Variants in PIP5K1C observed in about 807,000 individuals in gnomAD.
PIP5K1C encodes the protein phosphatidylinositol-4-phosphate 5-kinase type 1 gamma.
PIP5K1C carries 45 observed loss-of-function variants against 80.1 expected under a neutral mutation model. That is an observed-to-expected ratio of 0.56 (90% CI 0.44 to 0.72). The LOEUF (loss-of-function observed/expected upper bound fraction) is 0.72. Ranked by LOEUF, PIP5K1C falls within the 30% of genes least tolerant of loss-of-function variation. The pLI is 0.00. For synonymous variants in PIP5K1C, 498 were observed against 420.1 expected, an observed-to-expected ratio of 1.19 and a Z score of -2.27; for missense variants, 753 against 954.6, an observed-to-expected ratio of 0.79 and a Z score of 2.78.
intron 12 of PIP5K1C, 138 bp from the exon 13 acceptor site, chr19:3,643,519 C>A: frequency 1.0e-6 from 1 of 989,798 alleles, no homozygotes; most frequent in East Asian, 2.6e-5. Context: ...CACCTCCCCA[C>A]ACGGCAGGGA....
chr19:3,657,935 A>C (rs1174498764), intron 5 of PIP5K1C, among the ~76,000 whole-genome samples: 1 of 152,148 alleles, frequency 6.6e-6, no homozygotes, highest in African/African-American at 2.4e-5. Context: ...AGTGTTTAAA[A>C]AAACACCCCA....
chr19:3,677,018 C>CT (rs1389599729), intron 1 of PIP5K1C, among the ~76,000 whole-genome samples: 1 of 152,134 alleles, frequency 6.6e-6, no homozygotes, highest in Non-Finnish European at 1.5e-5. Flanking sequence ...GGGAGGATCA[C>CT]TTGAACCCAG....
At chr19:3,644,667 C>T (rs781757980) in intron 11 of PIP5K1C, among the ~76,000 whole-genome samples, 13 of 152,232 alleles carry the variant, frequency 8.5e-5, no homozygotes, top group Non-Finnish European at 1.8e-4. Context: ...GTTAGAGAAG[C>T]CTGTGGCTCA....
intron 5 of PIP5K1C, among the ~76,000 whole-genome samples, chr19:3,659,263 G>C (rs1433243461): frequency 1.3e-5 from 2 of 152,226 alleles, no homozygotes; most frequent in Admixed American, 1.3e-4. Flanking sequence ...AGAGGCTAGG[G>C]GGCTGCCGCC....
In PIP5K1C at chr19:3,632,825, G is replaced by A. The variant is rs571250706; in HGVS notation, c.*342C>T. The A allele has an allele frequency of 8.9e-6, 3 of 337,188 alleles. No homozygotes were observed. Among genetic ancestry groups the A allele is most frequent in the Non-Finnish European group, 1.6e-5 (3 of 185,664 alleles). 20.9% of individuals were successfully genotyped at this position (337,188 alleles called of 1,614,324 possible). ...GAGAACCAAAGAGTGCAGTGGGCAG[G>A]GGCTCTTCTCCCTCTGGTTGGTTTG... On this transcript the variant is annotated 3_prime_UTR_variant, in exon 18 of 18. Transcript: ENST00000335312.
At chr19:3,685,225 T>C (rs1015904316) in intron 1 of PIP5K1C, among the ~76,000 whole-genome samples, 8 of 152,178 alleles carry the variant, frequency 5.3e-5, no homozygotes, top group African/African-American at 9.7e-5. Context: ...CCCGTGTCAA[T>C]AGATTCTCCC....
chr19:3,678,261 G>A (rs551262370), intron 1 of PIP5K1C, among the ~76,000 whole-genome samples: 26 of 130,468 alleles, frequency 2.0e-4, no homozygotes, highest in African/African-American at 6.7e-4. Flanking sequence ...ATGGAGGGGT[G>A]GAGGAATGGA....
At chr19:3,636,096 G>A (rs1354834563) in intron 16 of PIP5K1C, among the ~76,000 whole-genome samples, 1 of 152,196 alleles carries the variant, frequency 6.6e-6, no homozygotes, top group East Asian at 1.9e-4. Context: ...GGTGGAGGTT[G>A]CAGTGAGCTG....
At chr19:3,652,100 C>T (rs12610324) in intron 7 of PIP5K1C, 69 bp from the exon 8 acceptor site, 2 of 1,492,410 alleles carry the variant, frequency 1.3e-6, no homozygotes, top group Non-Finnish European at 1.9e-6. Flanking sequence ...CTCCCGGACC[C>T]TATGGGGTTC....
chr19:3,633,549 C>T (rs373002017), intron 16 of PIP5K1C, 29 bp from the exon 17 acceptor site: 117 of 1,434,754 alleles, frequency 8.2e-5, no homozygotes, highest in Admixed American at 1.2e-4. Flanking sequence ...TGCAGGAGGG[C>T]GCGGAAGAGC....
Position 3,656,388 on chromosome 19 carries a change from C to T in PIP5K1C, c.621+17G>A, listed in dbSNP as rs780614064. ...GTTGACCGAGGAGCCATCTGCCCCG[C>T]AGGGCGGGCCACGCACCATGTAGTA... On this transcript the variant is annotated intron_variant, in intron 6 of 17. Coordinates refer to ENST00000335312, the MANE Select transcript of PIP5K1C (RefSeq NM_012398.3). 6.2e-7 allele frequency: 1 copy of T among 1,612,936 alleles called. No homozygotes were observed. The highest frequency in any genetic ancestry group is 8.5e-7 in the Non-Finnish European group (1 of 1,179,948).
chr19:3,680,597 C>G (rs534151985), intron 1 of PIP5K1C, among the ~76,000 whole-genome samples: 38 of 152,182 alleles, frequency 2.5e-4, no homozygotes, highest in Admixed American at 2.4e-3. Context: ...CCACCGCGCC[C>G]GGACTGTCTA....
At chr19:3,638,109 G>T in intron 16 of PIP5K1C, 1 of 1,381,250 alleles carries the variant, frequency 7.2e-7, no homozygotes, top group Non-Finnish European at 9.5e-7. Flanking sequence ...CCCAGGGGGT[G>T]CAGGGTGAGA....
At chr19:3,652,510 C>T (rs1049848942) in intron 7 of PIP5K1C, among the ~76,000 whole-genome samples, 5 of 151,794 alleles carry the variant, frequency 3.3e-5, no homozygotes, top group African/African-American at 7.3e-5. Flanking sequence ...TGGTCAGCAG[C>T]GGGGCCTGGG....
chr19:3,656,111 G>T (rs546905449), intron 6 of PIP5K1C, among the ~76,000 whole-genome samples: 1 of 152,316 alleles, frequency 6.6e-6, no homozygotes, highest in East Asian at 1.9e-4. Context: ...CGGCTCATAG[G>T]GGGTGTTGGC....
intron 5 of PIP5K1C, among the ~76,000 whole-genome samples, chr19:3,657,927 T>C (rs2034693088): frequency 6.6e-6 from 1 of 151,584 alleles, no homozygotes; most frequent in African/African-American, 2.4e-5. Context: ...AGAGCAAGAG[T>C]GTTTAAAAAA....
intron 7 of PIP5K1C, among the ~76,000 whole-genome samples, chr19:3,653,000 G>A (rs1400050649): frequency 3.3e-5 from 5 of 152,218 alleles, no homozygotes; most frequent in Admixed American, 3.3e-4. Flanking sequence ...TGTGAGATGG[G>A]GTCTCACAAT....
At chr19:3,678,211 A>G (rs1479666536) in intron 1 of PIP5K1C, among the ~76,000 whole-genome samples, 29 of 53,112 alleles carry the variant, frequency 5.5e-4, no homozygotes, top group Middle Eastern at 0.021. Flanking sequence ...AGGGATGGAG[A>G]GATGGAGGGA....
At chr19:3,634,240 G>A (rs2033581329) in intron 16 of PIP5K1C, among the ~76,000 whole-genome samples, 1 of 152,090 alleles carries the variant, frequency 6.6e-6, no homozygotes. Flanking sequence ...GATCTGGGGA[G>A]GGAGGGAGGG....
Sources: allele counts gnomAD v4.1 joint callset (sites outside exome capture counted in the v4.1 genomes callset), GRCh38; gene constraint gnomAD v4.1.1; transcripts MANE v1.5; gene names NCBI Gene and HGNC (gene_info 2026-07-23, HGNC 2026-07-21).